MLIP: variants seen among roughly 807,000 people sequenced by gnomAD.
The protein encoded by MLIP is muscular LMNA-interacting protein.
Under a neutral mutation model 84.8 loss-of-function variants are expected in MLIP, and 79 were observed. The observed-to-expected ratio is 0.93, with a 90% CI of 0.78 to 1.12. The LOEUF (loss-of-function observed/expected upper bound fraction) is 1.12. MLIP is among the 50% of genes most tolerant of loss of function. MLIP has a pLI of 0.00. For synonymous variants in MLIP, 504 were observed against 463.0 expected, an observed-to-expected ratio of 1.09 and a Z score of -1.14; for missense variants, 1,257 against 1,160.6, an observed-to-expected ratio of 1.08 and a Z score of -1.21.
At chr6:54,118,028 C>T (rs1204445528) in intron 1 of MLIP, among the ~76,000 whole-genome samples, 1 of 152,076 alleles carries the variant, frequency 6.6e-6, no homozygotes, top group African/African-American at 2.4e-5. Context: ...GAGAAAGGCA[C>T]AAATAAATGG....
intron 1 of MLIP, among the ~76,000 whole-genome samples, chr6:54,097,241 T>A (rs1056288808): frequency 6.6e-5 from 10 of 152,294 alleles, no homozygotes; most frequent in Admixed American, 2.0e-4. Flanking sequence ...GATTCTGTCT[T>A]CTTTAGAGGG....
At chr6:54,090,619 G>A (rs756447660) in intron 1 of MLIP, among the ~76,000 whole-genome samples, 2 of 151,736 alleles carry the variant, frequency 1.3e-5, no homozygotes, top group South Asian at 2.1e-4. Context: ...TTGTGTGCAC[G>A]GCATTCTATC....
At chr6:54,047,475 A>C (rs746869988) in intron 1 of MLIP, 5 of 152,218 alleles carry the variant, frequency 3.3e-5, no homozygotes, top group African/African-American at 1.2e-4. Context: ...TTTAACTAAT[A>C]AAGAGAATAA....
chr6:54,209,629 T>TA (rs1278135831), intron 11 of MLIP, among the ~76,000 whole-genome samples: 2 of 152,150 alleles, frequency 1.3e-5, no homozygotes, highest in Admixed American at 1.3e-4. Flanking sequence ...ATAATGTTCT[T>TA]ACACCTTGAA....
At chr6:54,190,837 C>A (rs1374378973) in intron 10 of MLIP, among the ~76,000 whole-genome samples, 2 of 147,840 alleles carry the variant, frequency 1.4e-5, no homozygotes, top group African/African-American at 5.0e-5. Flanking sequence ...GCTCTGTCGG[C>A]GAGGCTAGAG....
chr6:54,097,077 A>G (rs1271685421), intron 1 of MLIP, among the ~76,000 whole-genome samples: 1 of 152,178 alleles, frequency 6.6e-6, no homozygotes, highest in Non-Finnish European at 1.5e-5. Context: ...GAAGAGTTAG[A>G]AATTGAATTG....
chr6:54,144,008 C>G (rs909561253), intron 4 of MLIP, among the ~76,000 whole-genome samples: 3 of 152,126 alleles, frequency 2.0e-5, no homozygotes, highest in African/African-American at 7.2e-5. Context: ...GGGAAGGGAC[C>G]TGTCCTGGGA....
At chr6:54,223,998 T>C (rs567494065) in intron 11 of MLIP, among the ~76,000 whole-genome samples, 39 of 152,066 alleles carry the variant, frequency 2.6e-4, no homozygotes, top group African/African-American at 9.4e-4. Flanking sequence ...CAAGTAAGCA[T>C]TCAATTTGGA....
chr6:54,228,662 A>G (rs1240725281), intron 11 of MLIP, among the ~76,000 whole-genome samples: 1 of 152,222 alleles, frequency 6.6e-6, no homozygotes, highest in Non-Finnish European at 1.5e-5. Flanking sequence ...TCCGCCAGAT[A>G]AGCGCATTTG....
chr6:54,198,010 TA>T (rs1778417384), intron 10 of MLIP, among the ~76,000 whole-genome samples: 1 of 152,112 alleles, frequency 6.6e-6, no homozygotes, highest in African/African-American at 2.4e-5. Context: ...TAGTCTGTTT[TA>T]AAGCCTCTCC....
chr6:54,098,990 TCTAGAATATCC>T (rs1768434619), intron 1 of MLIP, among the ~76,000 whole-genome samples: 1 of 152,154 alleles, frequency 6.6e-6, no homozygotes, highest in Non-Finnish European at 1.5e-5. Flanking sequence ...TGCTTAAGAG[TCTAGAATATCC>T]AAAGATTTCT....
chr6:54,189,856 T>A lies in MLIP; in HGVS notation c.2545-14T>A, dbSNP rs369093160. 4.4e-5 allele frequency: 70 copies of A among 1,580,258 alleles called. No individual in the cohort carries two copies. Among genetic ancestry groups the A allele is most frequent in the Admixed American group, 6.7e-5 (4 of 59,682 alleles). The stretch of plus-strand genomic sequence containing the variant: ...ATGAGTTTCACTAATAAATGCCATG[T>A]TTATGTTTTGCAGGCAAATCTCTCC... On this transcript the variant is annotated splice_polypyrimidine_tract_variant and intron_variant, in intron 9 of 13. Transcript: ENST00000502396.
At chr6:54,247,702 G>C (rs769222777) in intron 12 of MLIP, among the ~76,000 whole-genome samples, 1 of 152,130 alleles carries the variant, frequency 6.6e-6, no homozygotes, top group Non-Finnish European at 1.5e-5. Context: ...CATATAGAAA[G>C]AAGCCCTTCT....
At chr6:54,100,573 T>C (rs372854608) in intron 1 of MLIP, among the ~76,000 whole-genome samples, 9 of 152,272 alleles carry the variant, frequency 5.9e-5, no homozygotes, top group African/African-American at 2.2e-4. Flanking sequence ...GAAGTGCTAC[T>C]GAGGGGATTA....
intron 10 of MLIP, among the ~76,000 whole-genome samples, chr6:54,201,537 C>T (rs1778678036): frequency 6.6e-6 from 1 of 152,158 alleles, no homozygotes; most frequent in South Asian, 2.1e-4. Flanking sequence ...CCCACAGTTA[C>T]TGCACAACAG....
At chr6:54,192,292 A>T (rs148874824) in intron 10 of MLIP, among the ~76,000 whole-genome samples, 1 of 151,936 alleles carries the variant, frequency 6.6e-6, no homozygotes, top group African/African-American at 2.4e-5. Flanking sequence ...TCAAGTAAGC[A>T]TATCACATTA....
At chr6:54,139,161 AAG>A (rs1263689683) in intron 4 of MLIP, among the ~76,000 whole-genome samples, 1 of 152,114 alleles carries the variant, frequency 6.6e-6, no homozygotes, top group African/African-American at 2.4e-5. Context: ...AAAGGGAAGT[AAG>A]AGATTTTTTT....
intron 11 of MLIP, among the ~76,000 whole-genome samples, chr6:54,203,104 A>G (rs1778804132): frequency 6.6e-6 from 1 of 152,212 alleles, no homozygotes; most frequent in South Asian, 2.1e-4. Flanking sequence ...AGTCTATACT[A>G]GATTCTCCTT....
intron 1 of MLIP, among the ~76,000 whole-genome samples, chr6:54,042,076 A>G (rs1178987213): frequency 1.3e-5 from 2 of 152,080 alleles, no homozygotes; most frequent in African/African-American, 4.8e-5. Context: ...CCTTAACAAT[A>G]TCAGGTTCTT....
Sources: gnomAD v4.1 joint callset for allele counts (sites outside exome capture counted in the v4.1 genomes callset) on GRCh38, gnomAD v4.1.1 for gene constraint, MANE v1.5 for transcripts, NCBI Gene and HGNC (gene_info 2026-07-23, HGNC 2026-07-21) for gene names.